OTOP1: variants seen among roughly 807,000 people sequenced by gnomAD.
The protein encoded by OTOP1 is proton channel OTOP1.
In OTOP1, 59 loss-of-function variants were observed where a neutral mutation model predicts 52.9. That is an observed-to-expected ratio of 1.12 (90% CI 0.91 to 1.39). The LOEUF (loss-of-function observed/expected upper bound fraction) is 1.39. Among genes scored for constraint, OTOP1 ranks in the 40% most tolerant of loss-of-function variants. The pLI, the probability that OTOP1 is intolerant of heterozygous loss-of-function variation, is 0.00. For missense variants in OTOP1, 761 were observed against 800.9 expected (o/e 0.95, Z 0.60); for synonymous variants, 317 against 337.7 (o/e 0.94, Z 0.67).
At chr4:4,213,304 C>T (rs1048801314) in intron 1 of OTOP1, among the ~76,000 whole-genome samples, 11 of 152,118 alleles carry the variant, frequency 7.2e-5, no homozygotes, top group Non-Finnish European at 1.5e-4. Flanking sequence ...TAAAAGAAGA[C>T]ATGGGAGAAA....
At position 4,197,523 on chromosome 4, in the gene OTOP1, G is replaced by T. The variant is rs147909403; in HGVS notation, c.1311C>A (p.Tyr437Ter). ...PYSILAIVEKYIQNLFIFESI... is the reference protein window; with the variant it reads ...PYSILAIVEK ...ATTCAAAGATGAAGAGGTTCTGGATGTACTTCTCCACGATCGCCAGGATGG... is the reference window on the plus strand; with the variant it reads ...ATTCAAAGATGAAGAGGTTCTGGATTTACTTCTCCACGATCGCCAGGATGG... Residue 437 changes from tyrosine (Y) to a stop codon, truncating the protein, a stop_gained, in exon 5 of 6, where the codon TAC (tyrosine) becomes TAA (stop). Coordinates refer to ENST00000296358, the MANE Select transcript of OTOP1 (RefSeq NM_177998.3). LOFTEE classifies it high-confidence loss of function. 6.2e-7 allele frequency: 1 copy of T among 1,614,008 alleles called. No individual in the cohort carries two copies. The highest frequency in any genetic ancestry group is 1.3e-5 in the African/African-American group (1 of 74,894).
chr4:4,202,683 T>C (rs1360178545), intron 3 of OTOP1, 105 bp from the exon 4 acceptor site: 16 of 1,449,566 alleles, frequency 1.1e-5, no homozygotes, highest in Non-Finnish European at 1.5e-5. Context: ...TTCTCAGCCA[T>C]GATTCTGGTT....
chr4:4,192,130 T>G (rs148885774), intron 5 of OTOP1, among the ~76,000 whole-genome samples: 1,877 of 152,306 alleles, frequency 0.012, 22 homozygotes, highest in Non-Finnish European at 0.019. Context: ...CCATGCAGTT[T>G]CCAAGCCCAG....
chr4:4,225,395 C>A (rs1717406045), intron 1 of OTOP1, among the ~76,000 whole-genome samples: 1 of 152,082 alleles, frequency 6.6e-6, no homozygotes, highest in Non-Finnish European at 1.5e-5. Context: ...CAACGAGGCC[C>A]TATCTGTACA....
At chr4:4,223,888 TCAAAAACAAAAA>T (rs71638539) in intron 1 of OTOP1, among the ~76,000 whole-genome samples, 12 of 146,772 alleles carry the variant, frequency 8.2e-5, no homozygotes, top group African/African-American at 2.3e-4. Flanking sequence ...AGATTCCATC[TCAAAAACAAAAA>T]CAAAAACAAA....
At chr4:4,220,054 T>C (rs1410503636) in intron 1 of OTOP1, among the ~76,000 whole-genome samples, 10 of 139,456 alleles carry the variant, frequency 7.2e-5, no homozygotes, top group South Asian at 2.2e-4. Flanking sequence ...TATATACATA[T>C]ACGTGTATAT....
chr4:4,189,027 G>A (rs1367954005), intron 5 of OTOP1, 54 bp from the exon 6 acceptor site: 15 of 1,548,242 alleles, frequency 9.7e-6, no homozygotes, highest in South Asian at 3.6e-5. Context: ...AAGCCACCAC[G>A]GAGGCCCCAC....
In OTOP1 at chr4:4,195,885, C is replaced by G. The variant is rs181819676; in HGVS notation, c.1668+1281G>C. ...TAGATTTTCTCATTGTCTCCCTCCC[C>G]CATTATACTGAGACCTTTTAGAGGA... On this transcript the variant is annotated intron_variant, in intron 5 of 5. Transcript: ENST00000296358. 1.8e-3 allele frequency among the ~76,000 whole-genome samples: 267 copies of G among 152,258 alleles called. 1 individual carries two copies. Among genetic ancestry groups the G allele is most frequent in the African/African-American group, 6.0e-3 (249 of 41,562 alleles).
intron 3 of OTOP1, among the ~76,000 whole-genome samples, chr4:4,203,807 C>T (rs1302403277): frequency 6.6e-6 from 1 of 152,170 alleles, no homozygotes; most frequent in Non-Finnish European, 1.5e-5. Context: ...GAGCAGAGGC[C>T]CACAGGAAGC....
chr4:4,208,353 G>C (rs1305524890), intron 2 of OTOP1, among the ~76,000 whole-genome samples: 2 of 152,188 alleles, frequency 1.3e-5, no homozygotes, highest in Admixed American at 1.3e-4. Flanking sequence ...TTCCCAGCTT[G>C]ACTTTTCCCT....
intron 4 of OTOP1, among the ~76,000 whole-genome samples, chr4:4,201,655 G>A (rs551641833): frequency 3.9e-5 from 6 of 152,182 alleles, no homozygotes; most frequent in African/African-American, 1.4e-4. Flanking sequence ...AGGACAGCCT[G>A]GGTTTACAAA....
At chr4:4,219,440 G>T (rs1446456928) in intron 1 of OTOP1, among the ~76,000 whole-genome samples, 1 of 152,226 alleles carries the variant, frequency 6.6e-6, no homozygotes, top group East Asian at 1.9e-4. Context: ...GGTGGCTCAC[G>T]CCTGTAATCC....
chr4:4,219,649 A>T (rs550064112), intron 1 of OTOP1, among the ~76,000 whole-genome samples: 32 of 151,048 alleles, frequency 2.1e-4, no homozygotes, highest in African/African-American at 7.8e-4. Flanking sequence ...GTGAGCCAAG[A>T]TCGTGCCACT....
In OTOP1 at chr4:4,212,822, A is replaced by G. The variant is rs118191903; in HGVS notation, c.540+46T>C. ...TACAAGTTTCTACACAACCTGGGAT[A>G]CACTTCATAGGAATGAGACAATATA... On this transcript the variant is annotated intron_variant, in intron 2 of 5. Transcript: ENST00000296358. The G allele has an allele frequency of 8.4e-4, 1,348 of 1,604,148 alleles. 17 individuals carry two copies. The East Asian group carries it at 0.026, about 31-fold the overall frequency.
chr4:4,223,478 G>A (rs781202061), intron 1 of OTOP1, among the ~76,000 whole-genome samples: 12 of 152,160 alleles, frequency 7.9e-5, no homozygotes, highest in Admixed American at 2.0e-4. Flanking sequence ...AAGCTCTGGG[G>A]AAGAGGATGA....
intron 3 of OTOP1, among the ~76,000 whole-genome samples, chr4:4,203,583 G>A (rs530688201): frequency 2.6e-5 from 4 of 152,292 alleles, no homozygotes; most frequent in South Asian, 2.1e-4. Flanking sequence ...GGTAGCAGGC[G>A]AGAGATCCAT....
At chr4:4,213,222 C>A (rs1356959858) in intron 1 of OTOP1, among the ~76,000 whole-genome samples, 1 of 151,932 alleles carries the variant, frequency 6.6e-6, no homozygotes, top group East Asian at 1.9e-4. Flanking sequence ...GAATTTGGAC[C>A]CTCACCTTAC....
intron 1 of OTOP1, among the ~76,000 whole-genome samples, chr4:4,217,528 A>C (rs1717178931): frequency 6.6e-6 from 1 of 152,212 alleles, no homozygotes. Flanking sequence ...ATTGAGCAGA[A>C]ACCATGGGCC....
chr4:4,224,482 C>G (rs547213131), intron 1 of OTOP1, among the ~76,000 whole-genome samples: 1 of 151,778 alleles, frequency 6.6e-6, no homozygotes, highest in Non-Finnish European at 1.5e-5. Flanking sequence ...AAAGAAGGAA[C>G]AAAAAAGGGG....
Sources: gnomAD v4.1 joint callset for allele counts (sites outside exome capture counted in the v4.1 genomes callset) on GRCh38, gnomAD v4.1.1 for gene constraint, MANE v1.5 for transcripts, NCBI Gene and HGNC (gene_info 2026-07-23, HGNC 2026-07-21) for gene names.